Variants in SYNE1 observed in about 807,000 individuals in gnomAD.
SYNE1 encodes the protein spectrin repeat containing nuclear envelope protein 1, also known as nesprin-1.
Under a neutral mutation model 1,111.0 loss-of-function variants are expected in SYNE1, and 616 were observed. The ratio of observed to expected loss-of-function variants is 0.55; its 90% CI spans 0.52 to 0.59. The LOEUF (loss-of-function observed/expected upper bound fraction) is 0.59, where lower values mean the gene tolerates loss of function less well. Ranked by LOEUF, SYNE1 falls within the 20% of genes least tolerant of loss-of-function variation. The pLI is 0.00. For missense variants in SYNE1, 10,006 were observed against 10,417.0 expected (o/e 0.96, Z 1.72); for synonymous variants, 3,855 against 3,825.8 (o/e 1.01, Z -0.28).
chr6:152,544,505 G>A (rs2099296458), intron 3 of SYNE1, among the ~76,000 whole-genome samples: 1 of 151,726 alleles, frequency 6.6e-6, no homozygotes, highest in African/African-American at 2.4e-5. Flanking sequence ...CTAGCTCTGG[G>A]TAATATTATA....
In SYNE1 at chr6:152,225,875, T is replaced by C. The variant is rs755014049; in HGVS notation, c.21197A>G (p.Asp7066Gly). The C allele has an allele frequency of 6.8e-6, 11 of 1,612,204 alleles. No homozygotes were observed. The Admixed American group carries it at 1.5e-4, about 22-fold the overall frequency. The change falls in exon 116 of 146, where the codon GAT becomes GGT. Residue 7066 changes from aspartate (D) to glycine (G), a missense_variant and splice_region_variant. Coordinates refer to ENST00000367255, the MANE Select transcript of SYNE1 (RefSeq NM_182961.4). The stretch of plus-strand genomic sequence containing the variant: ...TTTTGCTTTAATCAAATCTTCCAGA[T>C]CCTGAAAGATTTAAAAAATAGTCAC... ...SVQNALKDCQ[D>G]LEDLIKAKEK... is the part of the protein sequence containing the mutation.
chr6:152,197,067 C>CAACTG (rs1462174586), intron 127 of SYNE1, among the ~76,000 whole-genome samples: 1 of 152,148 alleles, frequency 6.6e-6, no homozygotes, highest in Non-Finnish European at 1.5e-5. Flanking sequence ...CAATGCAGAC[C>CAACTG]AACTGCTGGG....
chr6:152,603,893 T>TATAG (rs1234472913), intron 3 of SYNE1, among the ~76,000 whole-genome samples: 2 of 146,968 alleles, frequency 1.4e-5, no homozygotes, highest in African/African-American at 2.5e-5. Flanking sequence ...TACATGCATG[T>TATAG]ATAGATAGAT....
intron 120 of SYNE1, 73 bp from the exon 121 acceptor site, chr6:152,218,476 A>C (rs2079289665): frequency 4.6e-6 from 7 of 1,509,978 alleles, no homozygotes; most frequent in Non-Finnish European, 5.5e-6. Flanking sequence ...AGTCTGGTAA[A>C]AGGGCAAGTG....
intron 18 of SYNE1, chr6:152,465,000 C>T (rs544735119): frequency 3.9e-6 from 2 of 511,806 alleles, no homozygotes; most frequent in East Asian, 7.3e-5. Flanking sequence ...CTAGACACTC[C>T]CCTTCATAGA....
chr6:152,384,742 G>A lies in SYNE1; in HGVS notation c.8652+932C>T, dbSNP rs567683626. ...ATAAATACAAAAGTTAGCCAGACGT[G>A]GTGGTCAGCACCTGTAATCGCAGCT... On this transcript the variant is annotated intron_variant, in intron 55 of 145. Transcript: ENST00000367255. Among the ~76,000 whole-genome samples, 421 of 152,128 alleles carry A rather than the reference G, an allele frequency of 2.8e-3. 1 individual carries two copies. The highest frequency in any genetic ancestry group is 9.6e-3 in the African/African-American group (399 of 41,516).
At chr6:152,458,465 AT>A (rs1212443918) in intron 22 of SYNE1, among the ~76,000 whole-genome samples, 3 of 152,006 alleles carry the variant, frequency 2.0e-5, no homozygotes, top group African/African-American at 7.3e-5. Context: ...AAAACAAACC[AT>A]TTTTTCTAAC....
intron 93 of SYNE1, among the ~76,000 whole-genome samples, chr6:152,300,287 C>T (rs924082946): frequency 3.3e-5 from 5 of 152,132 alleles, no homozygotes; most frequent in Admixed American, 6.5e-5. Context: ...ATAAAGCCAT[C>T]GAATCACGTT....
At chr6:152,208,891 A>G (rs995800487) in intron 124 of SYNE1, among the ~76,000 whole-genome samples, 7 of 152,358 alleles carry the variant, frequency 4.6e-5, no homozygotes, top group African/African-American at 1.7e-4. Flanking sequence ...TAGAAATAAT[A>G]AATTTTACTT....
Position 152,370,815 on chromosome 6 carries a change from G to C in SYNE1, c.9508-1201C>G, listed in dbSNP as rs62426388. Among the ~76,000 whole-genome samples the C allele has an allele frequency of 1.3e-4, 20 of 152,266 alleles. 1 individual carries two copies. Among genetic ancestry groups the C allele is most frequent in the African/African-American group, 4.6e-4 (19 of 41,562 alleles). On this transcript the variant is annotated intron_variant, in intron 59 of 145. Transcript: ENST00000367255. ...GAAACTTATGAGAGAATAGTTCAAG[G>C]TTCCACCTGTATCTGGTCTGGGTCG... is the stretch of plus-strand genomic sequence containing the variant.
intron 25 of SYNE1, among the ~76,000 whole-genome samples, chr6:152,452,862 T>G (rs70017): frequency 0.52 from 79,518 of 151,900 alleles, 22,677 homozygotes; most frequent in East Asian, 0.76. Flanking sequence ...GTGTCCCGCT[T>G]CACGCTCTCC....
intron 3 of SYNE1, among the ~76,000 whole-genome samples, chr6:152,552,783 G>A (rs1328093219): frequency 1.3e-5 from 2 of 152,168 alleles, no homozygotes; most frequent in Admixed American, 1.3e-4. Context: ...AGAGCACCAG[G>A]TGGTGCTGTT....
chr6:152,203,599 T>G (rs1037105146), intron 126 of SYNE1, among the ~76,000 whole-genome samples: 5 of 152,200 alleles, frequency 3.3e-5, no homozygotes, highest in African/African-American at 1.2e-4. Context: ...CATCAGTCTT[T>G]TCTTATCTGG....
rs2096592769 is a variant in SYNE1, at chr6:152,344,305, T to C, written c.12079-78A>G. On this transcript the variant is annotated intron_variant, in intron 73 of 145. Coordinates refer to ENST00000367255, the MANE Select transcript of SYNE1 (RefSeq NM_182961.4). Reference sequence around the variant, plus strand: ...AAGATCATTCAAATTCAATGAAACATGACCAGTACATCTAAATGGATTTTC... The same window carrying C: ...AAGATCATTCAAATTCAATGAAACACGACCAGTACATCTAAATGGATTTTC... 3.1e-6 allele frequency: 5 copies of C among 1,587,558 alleles called. No homozygotes were observed. The Admixed American group carries it at 8.5e-5, about 27-fold the overall frequency.
chr6:152,152,440 C>T (rs757799991), intron 133 of SYNE1, among the ~76,000 whole-genome samples: 3 of 152,108 alleles, frequency 2.0e-5, no homozygotes, highest in Admixed American at 6.5e-5. Flanking sequence ...CACATATACA[C>T]GTAGCTTTAA....
intron 130 of SYNE1, 58 bp downstream of exon 130, chr6:152,176,336 G>A (rs1271078902): frequency 6.2e-7 from 1 of 1,606,732 alleles, no homozygotes; most frequent in African/African-American, 1.3e-5. Flanking sequence ...ATGAAAGGCA[G>A]ACTGAAAGGC....
intron 129 of SYNE1, among the ~76,000 whole-genome samples, chr6:152,176,785 T>C (rs2066552581): frequency 6.6e-6 from 1 of 152,082 alleles, no homozygotes; most frequent in South Asian, 2.1e-4. Flanking sequence ...GTTCTCGAAA[T>C]AAATAGGATG....
rs1281256172 is a variant in SYNE1, at chr6:152,407,170, C to T, written c.6567G>A (p.Met2189Ile). Reference protein sequence around the residue: ...LDVSEKLEENMDRLRVSLSIW... With the variant: ...LDVSEKLEENIDRLRVSLSIW... ...TGGACAGGCTTACTCTCAGCCTATC[C>T]ATGTTTTCTTCAAGTTTCTCTGATA... Residue 2189 changes from methionine (M) to isoleucine (I), a missense_variant, in exon 45 of 146, where the codon ATG (methionine) becomes ATA (isoleucine). Transcript: ENST00000367255. 1 of 1,613,980 alleles carries T rather than the reference C, an allele frequency of 6.2e-7. No individual in the cohort carries two copies.
chr6:152,203,521 A>G (rs1166682996), intron 126 of SYNE1, among the ~76,000 whole-genome samples: 2 of 152,186 alleles, frequency 1.3e-5, no homozygotes, highest in African/African-American at 2.4e-5. Context: ...CATGACTAGA[A>G]TCACTTTTAG....
Sources: allele counts gnomAD v4.1 joint callset (sites outside exome capture counted in the v4.1 genomes callset), GRCh38; gene constraint gnomAD v4.1.1; transcripts MANE v1.5; gene names NCBI Gene and HGNC (gene_info 2026-07-23, HGNC 2026-07-21).